The following CDH2 variants were observed in gnomAD, a reference collection of about 807,000 sequenced individuals.
The protein encoded by CDH2 is cadherin-2.
In CDH2, 17 loss-of-function variants were observed where a neutral mutation model predicts 92.0. That is an observed-to-expected ratio of 0.18 (90% CI 0.13 to 0.28). The LOEUF (loss-of-function observed/expected upper bound fraction) is 0.28. CDH2 is among the 10% of genes least tolerant of loss of function. The probability of loss-of-function intolerance (pLI) is 1.00; values close to 1 mark genes in which losing one functional copy is unlikely to be tolerated. For missense variants in CDH2, 862 were observed against 1,133.1 expected, an observed-to-expected ratio of 0.76 and a Z score of 3.44; for synonymous variants, 419 against 415.9, an observed-to-expected ratio of 1.01 and a Z score of -0.09.
chr18:28,129,580 A>G (rs2015732317), intron 2 of CDH2, among the ~76,000 whole-genome samples: 1 of 152,228 alleles, frequency 6.6e-6, no homozygotes, highest in Admixed American at 6.5e-5. Context: ...GTAATCCAAG[A>G]ACTCTGGCAG....
At chr18:27,962,407 A>G (rs17445621) in intron 15 of CDH2, among the ~76,000 whole-genome samples, 54,566 of 152,072 alleles carry the variant, frequency 0.36, 10,832 homozygotes, top group Non-Finnish European at 0.46. Flanking sequence ...TCTACAAGCA[A>G]TAAGTATATC....
chr18:27,977,410 T>C (rs1171219505), intron 14 of CDH2, among the ~76,000 whole-genome samples: 1 of 152,050 alleles, frequency 6.6e-6, no homozygotes, highest in African/African-American at 2.4e-5. Flanking sequence ...CTTAGTTATT[T>C]TGTTAAAGAA....
At chr18:28,036,417 T>G (rs780514175) in intron 2 of CDH2, 40 of 856,872 alleles carry the variant, frequency 4.7e-5, no homozygotes, top group Non-Finnish European at 7.6e-5. Context: ...TACTTTGTTT[T>G]CCAAGTTAAC....
chr18:27,989,509 T>C (rs550464930), intron 10 of CDH2, among the ~76,000 whole-genome samples: 4 of 152,208 alleles, frequency 2.6e-5, no homozygotes, highest in African/African-American at 9.7e-5. Flanking sequence ...GAAATATAAG[T>C]TCATTTTAAA....
chr18:28,025,091 T>A (rs1167890297), intron 2 of CDH2, among the ~76,000 whole-genome samples: 1 of 152,154 alleles, frequency 6.6e-6, no homozygotes, highest in Non-Finnish European at 1.5e-5. Flanking sequence ...TGAAGAATTT[T>A]GGTGGGAAAG....
Position 28,022,770 on chromosome 18 carries a change from CTTTT to C in CDH2, c.173-8865_173-8862del, listed in dbSNP as rs143181224. Among the ~76,000 whole-genome samples, 18 of 152,086 alleles carry C rather than the reference CTTTT, an allele frequency of 1.2e-4. 1 individual carries two copies. The South Asian group carries it at 3.7e-3, about 32-fold the overall frequency. ...AGGGATTGCTCTAATAGTTTTAATA[CTTTT>C]TTTAGGTTTTCAATATAACACCAAT... On this transcript the variant is annotated intron_variant, in intron 2 of 15. Transcript: ENST00000269141.
intron 2 of CDH2, among the ~76,000 whole-genome samples, chr18:28,069,237 C>T (rs540000659): frequency 3.5e-4 from 53 of 152,218 alleles, no homozygotes; most frequent in African/African-American, 1.2e-3. Context: ...TAATGCCAAC[C>T]TTTCCTTGGT....
In CDH2 at chr18:27,993,559, T is replaced by C. The variant is rs756781191; in HGVS notation, c.1099A>G (p.Thr367Ala). ...NPTYGLSNTA[T>A]AVITVTDVND... is the part of the protein sequence containing the mutation. The stretch of plus-strand genomic sequence containing the variant: ...ACATCTGTCACTGTGATGACGGCCG[T>C]GGCTGTGTTTGAAAGGCCATATGTG... Residue 367 changes from threonine to alanine, a missense_variant, in exon 8 of 16, where the codon ACG becomes GCG. Physicochemically the swap from Thr to Ala is moderately conservative, Grantham distance 58. Transcript: ENST00000269141. 7 of 1,614,080 alleles carry C rather than the reference T, an allele frequency of 4.3e-6. No individual in the cohort carries two copies. In the African/African-American group the frequency reaches 6.7e-5, roughly 15 times the overall value.
At chr18:28,063,544 G>C (rs1317724224) in intron 2 of CDH2, among the ~76,000 whole-genome samples, 1 of 152,222 alleles carries the variant, frequency 6.6e-6, no homozygotes, top group East Asian at 1.9e-4. Context: ...CAGCCATTGT[G>C]TAGAGCACTA....
chr18:27,996,276 C>T (rs898370486), intron 7 of CDH2, among the ~76,000 whole-genome samples: 9 of 152,098 alleles, frequency 5.9e-5, no homozygotes, highest in Non-Finnish European at 1.3e-4. Context: ...GGATGTTACA[C>T]AGAGTGAACA....
At chr18:28,030,607 G>A (rs2013669640) in intron 2 of CDH2, among the ~76,000 whole-genome samples, 1 of 152,120 alleles carries the variant, frequency 6.6e-6, no homozygotes, top group Admixed American at 6.6e-5. Flanking sequence ...TGGAGGACAA[G>A]TGGAAGTTCA....
At chr18:28,084,564 T>C (rs1192011371) in intron 2 of CDH2, among the ~76,000 whole-genome samples, 3 of 151,516 alleles carry the variant, frequency 2.0e-5, no homozygotes, top group Non-Finnish European at 2.9e-5. Context: ...GGAAGTAACA[T>C]GCAGTGCAAA....
At chr18:28,029,401 A>G (rs1395364030) in intron 2 of CDH2, among the ~76,000 whole-genome samples, 3 of 152,100 alleles carry the variant, frequency 2.0e-5, no homozygotes, top group Admixed American at 1.3e-4. Context: ...TATGCTTACT[A>G]AATTTTTATT....
Position 28,002,976 on chromosome 18 carries a change from T to C in CDH2, c.1020+21A>G, listed in dbSNP as rs199563670. 2.9e-5 allele frequency: 47 copies of C among 1,607,748 alleles called. 1 individual carries two copies. In the South Asian group the frequency reaches 4.1e-4, roughly 14 times the overall value. On this transcript the variant is annotated intron_variant, in intron 7 of 15. Transcript: ENST00000269141. ...CTTTAAGATTAAAAACAAACACAAA[T>C]AGAGTTTTTGGTTGGCTTACTTCTC...
chr18:27,945,967 T>C (rs1424128128), downstream of CDH2, among the ~76,000 whole-genome samples: 1 of 152,150 alleles, frequency 6.6e-6, no homozygotes, highest in Non-Finnish European at 1.5e-5. Context: ...CACACATATT[T>C]GGCTAAACAA....
intron 6 of CDH2, among the ~76,000 whole-genome samples, chr18:27,940,167 C>T (rs1909104588): frequency 6.6e-6 from 1 of 152,228 alleles, no homozygotes; most frequent in Non-Finnish European, 1.5e-5. Context: ...GCACGCTAAT[C>T]TCAATCTCAG....
intron 2 of CDH2, among the ~76,000 whole-genome samples, chr18:28,058,207 A>C (rs1383050192): frequency 6.6e-6 from 1 of 152,236 alleles, no homozygotes; most frequent in Non-Finnish European, 1.5e-5. Flanking sequence ...CCATTCTTAT[A>C]AACTTTGATA....
chr18:27,999,825 T>TG (rs2012709507), intron 7 of CDH2, among the ~76,000 whole-genome samples: 1 of 151,868 alleles, frequency 6.6e-6, no homozygotes, highest in Non-Finnish European at 1.5e-5. Flanking sequence ...ATAATACCCA[T>TG]GTGTCAAGGG....
In CDH2 at chr18:27,952,223, T is replaced by C. The variant is rs1488202424; in HGVS notation, c.2651A>G (p.Tyr884Cys). Residue 884 changes from tyrosine to cysteine, a missense_variant, in exon 16 of 16, where the codon TAT becomes TGT. By Grantham distance (194) the Tyr-to-Cys change is radical. Around this residue, in one of 5 missense-constraint regions of CDH2, gnomAD observed 114 missense variants for 144.8 expected, o/e 0.79. Coordinates refer to ENST00000269141, the MANE Select transcript of CDH2 (RefSeq NM_001792.5). ...TGGCCCCCAGTCGTTCAGGTAATCA[T>C]AGTCCTGCTCACCACCACTACTTGA... ...NSSSSGGEQD[Y>C]DYLNDWGPRF... is the part of the protein sequence containing the mutation. 2 of 1,613,174 alleles carry C rather than the reference T, an allele frequency of 1.2e-6. No individual in the cohort carries two copies. Among genetic ancestry groups the C allele is most frequent in the Non-Finnish European group, 1.7e-6 (2 of 1,179,408 alleles).
Sources: gnomAD v4.1 joint callset for allele counts (sites outside exome capture counted in the v4.1 genomes callset) on GRCh38, gnomAD v4.1.1 for gene constraint, gnomAD v4.1.1 regional missense constraint, MANE v1.5 for transcripts, NCBI Gene and HGNC (gene_info 2026-07-23, HGNC 2026-07-21) for gene names.